The following GLIS3 variants were observed in gnomAD, a reference collection of about 807,000 sequenced individuals.
GLIS3 encodes the protein GLIS family zinc finger 3.
GLIS3 carries 53 observed loss-of-function variants against 78.6 expected under a neutral mutation model. That is an observed-to-expected ratio of 0.67 (90% CI 0.54 to 0.85). The LOEUF (loss-of-function observed/expected upper bound fraction) is 0.85, where lower values mean the gene tolerates loss of function less well. Ranked by LOEUF, GLIS3 falls within the 40% of genes least tolerant of loss-of-function variation. The probability of loss-of-function intolerance (pLI) is 0.00; values close to 1 mark genes in which losing one functional copy is unlikely to be tolerated. For missense variants in GLIS3, 1,703 were observed against 1,231.1 expected (o/e 1.38, Z -5.74); for synonymous variants, 684 against 509.9 (o/e 1.34, Z -4.60).
intron 2 of GLIS3, among the ~76,000 whole-genome samples, chr9:4,139,402 T>A (rs1182055766): frequency 6.6e-6 from 1 of 152,232 alleles, no homozygotes; most frequent in Non-Finnish European, 1.5e-5. Flanking sequence ...CGAATCAAAT[T>A]GAGCAGTTCC....
chr9:3,829,225 G>A (rs530749317), intron 10 of GLIS3, 85 bp downstream of exon 10: 90 of 1,178,978 alleles, frequency 7.6e-5, no homozygotes, highest in Admixed American at 1.7e-4. Context: ...GCTTGGTCAC[G>A]TCCAGCCCAG....
At chr9:3,889,834 T>A (rs921902867) in intron 7 of GLIS3, among the ~76,000 whole-genome samples, 1 of 152,226 alleles carries the variant, frequency 6.6e-6, no homozygotes, top group Non-Finnish European at 1.5e-5. Flanking sequence ...TCTCAGGCCA[T>A]GCAAAATCAC....
the GLIS3 span, among the ~76,000 whole-genome samples, chr9:4,431,460 TG>T: frequency 6.6e-6 from 1 of 152,154 alleles, no homozygotes; most frequent in Non-Finnish European, 1.5e-5. Context: ...TGAGGAGTTT[TG>T]CTCCATGTAG....
chr9:4,301,401 C>G (rs1817068186), upstream of GLIS3, among the ~76,000 whole-genome samples: 1 of 152,190 alleles, frequency 6.6e-6, no homozygotes, highest in East Asian at 1.9e-4. Context: ...TAAAATGAAG[C>G]ATGCAGCAAC....
the GLIS3 span, among the ~76,000 whole-genome samples, chr9:4,449,759 C>G: frequency 1.3e-5 from 2 of 152,072 alleles, no homozygotes; most frequent in Admixed American, 6.6e-5. Context: ...GGACCTGACT[C>G]TTAGAAGAAA....
chr9:4,391,640 AT>A, the GLIS3 span, among the ~76,000 whole-genome samples: 1 of 151,952 alleles, frequency 6.6e-6, no homozygotes, highest in Non-Finnish European at 1.5e-5. Flanking sequence ...TTTAACCGAA[AT>A]TTGGGGGAAA....
intron 2 of GLIS3, among the ~76,000 whole-genome samples, chr9:4,148,034 G>C (rs574526034): frequency 3.9e-5 from 6 of 152,188 alleles, no homozygotes; most frequent in African/African-American, 1.2e-4. Flanking sequence ...TTTGAAGTGA[G>C]GTGGTTACCA....
chr9:4,422,220 T>C, the GLIS3 span, among the ~76,000 whole-genome samples: 1 of 152,240 alleles, frequency 6.6e-6, no homozygotes, highest in East Asian at 1.9e-4. Context: ...TTCAGTATAA[T>C]TGGTCTTCTT....
At position 4,139,056 on chromosome 9, in the gene GLIS3, A is replaced by G. The variant is rs558671455; in HGVS notation, c.389-13115T>C. ...CTCAGGGTGAGACCAGGCTGGGAAG[A>G]GCAAACGGAGCAAACAGGGTAAAGC... On this transcript the variant is annotated intron_variant, in intron 2 of 10. Transcript: ENST00000381971. Among the ~76,000 whole-genome samples, 5 of 152,330 alleles carry G rather than the reference A, an allele frequency of 3.3e-5. No homozygotes were observed. The South Asian group carries it at 1.0e-3, about 32-fold the overall frequency.
chr9:3,883,026 G>A (rs540241443), intron 7 of GLIS3, among the ~76,000 whole-genome samples: 1 of 152,152 alleles, frequency 6.6e-6, no homozygotes, highest in African/African-American at 2.4e-5. Context: ...GAAATTTGGA[G>A]GAAGTAACAA....
intron 4 of GLIS3, among the ~76,000 whole-genome samples, chr9:4,066,285 C>G (rs1827090852): frequency 1.3e-5 from 2 of 152,208 alleles, no homozygotes; most frequent in South Asian, 4.1e-4. Flanking sequence ...GGGAGCCTAT[C>G]TGACCTCACT....
At chr9:4,448,534 A>G in the GLIS3 span, among the ~76,000 whole-genome samples, 1 of 152,220 alleles carries the variant, frequency 6.6e-6, no homozygotes, top group African/African-American at 2.4e-5. Context: ...TCTTCTGCAC[A>G]TTGTTGTTGT....
intron 9 of GLIS3, among the ~76,000 whole-genome samples, chr9:3,853,560 C>T (rs1819573747): frequency 6.6e-6 from 1 of 152,122 alleles, no homozygotes; most frequent in Non-Finnish European, 1.5e-5. Context: ...CTACTCTGTG[C>T]CAGGTGCTTT....
At chr9:4,368,578 C>G in the GLIS3 span, among the ~76,000 whole-genome samples, 3 of 152,204 alleles carry the variant, frequency 2.0e-5, no homozygotes, top group Admixed American at 1.3e-4. Flanking sequence ...GTCTCCATCT[C>G]CTGACCTCGT....
At chr9:4,292,386 A>C (rs558710053) in intron 1 of GLIS3, among the ~76,000 whole-genome samples, 1 of 152,152 alleles carries the variant, frequency 6.6e-6, no homozygotes, top group South Asian at 2.1e-4. Context: ...GTAAGACAAA[A>C]AATATATTGT....
intron 2 of GLIS3, among the ~76,000 whole-genome samples, chr9:4,185,335 AT>A (rs1287269487): frequency 3.9e-5 from 6 of 152,042 alleles, no homozygotes; most frequent in African/African-American, 9.7e-5. Context: ...GCTAAACTGT[AT>A]TTTGTTTATC....
intron 6 of GLIS3, among the ~76,000 whole-genome samples, chr9:3,900,653 A>T (rs1468795929): frequency 2.0e-5 from 3 of 152,348 alleles, no homozygotes; most frequent in East Asian, 3.9e-4. Context: ...GGTATTCATG[A>T]ACATAAAAGC....
chr9:4,396,903 T>A, the GLIS3 span, among the ~76,000 whole-genome samples: 57 of 152,272 alleles, frequency 3.7e-4, 1 homozygote, highest in South Asian at 9.4e-3. Context: ...TTTTGCTCCT[T>A]CGCCTCGTGT....
intron 4 of GLIS3, among the ~76,000 whole-genome samples, chr9:4,103,509 G>A (rs1205502430): frequency 7.2e-5 from 11 of 152,062 alleles, no homozygotes; most frequent in Admixed American, 1.3e-4. Context: ...TCTCACTGTT[G>A]GAAAGACAGA....
Sources: allele counts gnomAD v4.1 joint callset (sites outside exome capture counted in the v4.1 genomes callset), GRCh38; gene constraint gnomAD v4.1.1; transcripts MANE v1.5; gene names NCBI Gene and HGNC (gene_info 2026-07-23, HGNC 2026-07-21).